Variants in LRRC7 observed in about 807,000 individuals in gnomAD.
LRRC7 encodes the protein leucine rich repeat containing 7.
In LRRC7, 23 loss-of-function variants were observed where a neutral mutation model predicts 175.7. The observed-to-expected ratio is 0.13, with a 90% CI of 0.09 to 0.19. The LOEUF (loss-of-function observed/expected upper bound fraction) is 0.19, where lower values mean the gene tolerates loss of function less well. LRRC7 is among the 10% of genes least tolerant of loss of function. The pLI, the probability that LRRC7 is intolerant of heterozygous loss-of-function variation, is 1.00. For synonymous variants in LRRC7, 685 were observed against 680.9 expected, an observed-to-expected ratio of 1.01 and a Z score of -0.09; for missense variants, 1,354 against 1,904.7, an observed-to-expected ratio of 0.71 and a Z score of 5.38.
intron 23 of LRRC7, among the ~76,000 whole-genome samples, chr1:70,063,814 C>T (rs1235817443): frequency 6.6e-6 from 1 of 151,994 alleles, no homozygotes; most frequent in Non-Finnish European, 1.5e-5. Flanking sequence ...ATTAAGGATA[C>T]TCCATCGTTT....
intron 4 of LRRC7, among the ~76,000 whole-genome samples, chr1:69,799,962 C>T (rs1400780501): frequency 1.3e-5 from 2 of 151,942 alleles, no homozygotes; most frequent in Non-Finnish European, 2.9e-5. Context: ...CTGCATATGG[C>T]GATCCAGTTT....
At chr1:69,586,959 A>G (rs1418521358) in intron 1 of LRRC7, among the ~76,000 whole-genome samples, 3 of 152,320 alleles carry the variant, frequency 2.0e-5, no homozygotes, top group African/African-American at 7.2e-5. Flanking sequence ...TTGCTGTTTC[A>G]CATTTATATC....
intron 1 of LRRC7, among the ~76,000 whole-genome samples, chr1:69,617,536 T>C (rs1028754289): frequency 7.0e-5 from 6 of 85,168 alleles, no homozygotes; most frequent in African/African-American, 1.3e-4. Context: ...AAGGTTGTTA[T>C]ATACTCACAG....
At chr1:69,669,896 T>C (rs1271129446) in intron 1 of LRRC7, among the ~76,000 whole-genome samples, 1 of 152,188 alleles carries the variant, frequency 6.6e-6, no homozygotes. Context: ...CAATTGGATT[T>C]TTCAATTCCA....
intron 4 of LRRC7, among the ~76,000 whole-genome samples, chr1:69,816,218 T>C (rs1678581109): frequency 6.6e-6 from 1 of 151,934 alleles, no homozygotes; most frequent in Non-Finnish European, 1.5e-5. Context: ...CCTCAAGCAA[T>C]CCGCCCGCCT....
At chr1:69,770,004 C>T (rs1165305064) in intron 3 of LRRC7, among the ~76,000 whole-genome samples, 1 of 152,064 alleles carries the variant, frequency 6.6e-6, no homozygotes, top group Admixed American at 6.6e-5. Context: ...GGAAAAAGGA[C>T]AGGAACCAAG....
intron 2 of LRRC7, among the ~76,000 whole-genome samples, chr1:69,681,552 A>G (rs1660493288): frequency 6.6e-6 from 1 of 152,170 alleles, no homozygotes; most frequent in African/African-American, 2.4e-5. Flanking sequence ...TGCATCCGGC[A>G]TAGTCAAATA....
At chr1:69,584,603 C>T (rs1028892957) in intron 1 of LRRC7, among the ~76,000 whole-genome samples, 1 of 152,050 alleles carries the variant, frequency 6.6e-6, no homozygotes, top group African/African-American at 2.4e-5. Context: ...TTAGGAAAAG[C>T]AATCTAACAC....
intron 8 of LRRC7, among the ~76,000 whole-genome samples, chr1:69,933,700 A>G (rs1417732254): frequency 6.6e-6 from 1 of 152,200 alleles, no homozygotes; most frequent in African/African-American, 2.4e-5. Flanking sequence ...TTATTCTGCA[A>G]GTGCTTCATA....
chr1:69,933,241 CT>C (rs1647573295), intron 8 of LRRC7, among the ~76,000 whole-genome samples: 2 of 152,198 alleles, frequency 1.3e-5, no homozygotes, highest in Admixed American at 1.3e-4. Context: ...ATTTACTCTG[CT>C]TTGGATATAC....
chr1:69,708,407 G>C (rs939996171), intron 2 of LRRC7, among the ~76,000 whole-genome samples: 1 of 151,782 alleles, frequency 6.6e-6, no homozygotes, highest in African/African-American at 2.4e-5. Flanking sequence ...ACTGACCATC[G>C]AGTTCCTTAA....
At chr1:69,734,293 A>G (rs1667884385) in intron 2 of LRRC7, among the ~76,000 whole-genome samples, 1 of 151,942 alleles carries the variant, frequency 6.6e-6, no homozygotes, top group African/African-American at 2.4e-5. Flanking sequence ...ACATATACAC[A>G]TACCACGGAC....
rs192851502 is a variant in LRRC7 at position 69,758,359 on chromosome 1, C to T, written c.101-1832C>T. Among the ~76,000 whole-genome samples, 13 of 152,064 alleles carry T rather than the reference C, an allele frequency of 8.5e-5. No homozygotes were observed. In the East Asian group the frequency reaches 9.7e-4, roughly 11 times the overall value. ...CTACAGATTACCATGTGCAAACAATCGTCTATAAGTATTTATTCATGAACC... is the reference window on the plus strand; with the variant it reads ...CTACAGATTACCATGTGCAAACAATTGTCTATAAGTATTTATTCATGAACC... On this transcript the variant is annotated intron_variant, in intron 2 of 26. Transcript: ENST00000651989.
In LRRC7 at chr1:69,817,885, A is replaced by G. The variant is rs746247426; in HGVS notation, c.422-7863A>G. Among the ~76,000 whole-genome samples the G allele has an allele frequency of 6.4e-4, 98 of 152,228 alleles. 1 individual carries two copies. The highest frequency in any genetic ancestry group is 9.6e-4 in the East Asian group (5 of 5,188). Reference sequence around the variant, plus strand: ...TAAGTGTGGTATTCTTTCCCACATTATTGTAAGCATTGTTTTATTTCTTTT... The same window carrying G: ...TAAGTGTGGTATTCTTTCCCACATTGTTGTAAGCATTGTTTTATTTCTTTT... On this transcript the variant is annotated intron_variant, in intron 4 of 26. Coordinates refer to ENST00000651989, the MANE Select transcript of LRRC7 (RefSeq NM_001370785.2).
At chr1:69,627,738 G>A (rs1024987787) in intron 1 of LRRC7, among the ~76,000 whole-genome samples, 15 of 151,846 alleles carry the variant, frequency 9.9e-5, no homozygotes, top group African/African-American at 3.6e-4. Flanking sequence ...CATTAGAAAA[G>A]TCTTCCCACT....
At chr1:69,707,538 T>C (rs1664197448) in intron 2 of LRRC7, among the ~76,000 whole-genome samples, 1 of 152,118 alleles carries the variant, frequency 6.6e-6, no homozygotes, top group Non-Finnish European at 1.5e-5. Flanking sequence ...AAAAAATTAT[T>C]TATTCTCAAC....
chr1:70,080,890 C>A lies in LRRC7; in HGVS notation c.4452+4592C>A, dbSNP rs149825701. On this transcript the variant is annotated intron_variant, in intron 24 of 26. Transcript: ENST00000651989. Reference sequence around the variant, plus strand: ...CTCCCATTCCACATGGAAAACCCTTCATCAGAATATTCATCCTATTAGATC... The same window carrying A: ...CTCCCATTCCACATGGAAAACCCTTAATCAGAATATTCATCCTATTAGATC... Among the ~76,000 whole-genome samples the A allele has an allele frequency of 3.8e-3, 578 of 152,260 alleles. 2 individuals carry two copies. The highest frequency in any genetic ancestry group is 5.8e-3 in the Non-Finnish European group (396 of 67,998).
At chr1:69,997,916 A>G (rs12031434) in intron 11 of LRRC7, among the ~76,000 whole-genome samples, 7,088 of 152,202 alleles carry the variant, frequency 0.047, 175 homozygotes, top group South Asian at 0.1. Flanking sequence ...CTGGCCTCAT[A>G]AAATGAGTTA....
chr1:69,681,193 G>A (rs767373280), intron 2 of LRRC7, among the ~76,000 whole-genome samples: 1 of 151,944 alleles, frequency 6.6e-6, no homozygotes, highest in Non-Finnish European at 1.5e-5. Context: ...TGGCCTAGTT[G>A]TTTTTCTGTG....
Sources: allele counts gnomAD v4.1 joint callset (sites outside exome capture counted in the v4.1 genomes callset), GRCh38; gene constraint gnomAD v4.1.1; transcripts MANE v1.5; gene names NCBI Gene and HGNC (gene_info 2026-07-23, HGNC 2026-07-21).